TCF7L2: variants seen among roughly 807,000 people sequenced by gnomAD.
The protein encoded by TCF7L2 is transcription factor 7 like 2, also known as transcription factor 7-like 2.
Under a neutral mutation model 77.9 loss-of-function variants are expected in TCF7L2, and 23 were observed. The ratio of observed to expected loss-of-function variants is 0.30; its 90% confidence interval spans 0.21 to 0.42. The LOEUF is 0.42. Among genes scored for constraint, TCF7L2 ranks in the 10% least tolerant of loss-of-function variants. The pLI is 1.00. For missense variants in TCF7L2, 654 were observed against 793.1 expected (o/e 0.82, Z 2.11); for synonymous variants, 413 against 340.2 (o/e 1.21, Z -2.36).
intron 4 of TCF7L2, among the ~76,000 whole-genome samples, chr10:113,029,880 G>C (rs753122050): frequency 1.3e-5 from 2 of 152,082 alleles, no homozygotes; most frequent in Non-Finnish European, 2.9e-5. Context: ...CAAAGATGGT[G>C]CCTGACTCTT....
At chr10:112,997,609 C>A (rs1050185895) in intron 4 of TCF7L2, among the ~76,000 whole-genome samples, 1 of 152,192 alleles carries the variant, frequency 6.6e-6, no homozygotes, top group Non-Finnish European at 1.5e-5. Context: ...CAACCTTCTC[C>A]CCCAGGAAGA....
chr10:113,085,701 G>A (rs2059767743), intron 5 of TCF7L2, among the ~76,000 whole-genome samples: 1 of 152,140 alleles, frequency 6.6e-6, no homozygotes, highest in Non-Finnish European at 1.5e-5. Context: ...TGACATCAGG[G>A]GCTGAGCCAC....
At chr10:113,075,256 C>G (rs750189688) in intron 5 of TCF7L2, among the ~76,000 whole-genome samples, 12 of 152,054 alleles carry the variant, frequency 7.9e-5, no homozygotes, top group Non-Finnish European at 1.5e-4. Flanking sequence ...GTCAGGAGTT[C>G]GAGACCAGCC....
chr10:112,992,226 A>G (rs1166367943), intron 4 of TCF7L2, among the ~76,000 whole-genome samples: 2 of 152,180 alleles, frequency 1.3e-5, no homozygotes, highest in African/African-American at 4.8e-5. Flanking sequence ...CCCCTTGCCA[A>G]GCGCAGAGAA....
At chr10:113,146,210 G>A in intron 8 of TCF7L2, 113 bp downstream of exon 8, 1 of 994,352 alleles carries the variant, frequency 1.0e-6, no homozygotes, top group Non-Finnish European at 1.6e-6. Flanking sequence ...TTCTATTAGT[G>A]TAAAGCCAAT....
intron 4 of TCF7L2, among the ~76,000 whole-genome samples, chr10:112,969,430 A>G (rs986646807): frequency 6.6e-6 from 1 of 152,200 alleles, no homozygotes; most frequent in African/African-American, 2.4e-5. Flanking sequence ...GCGATTATGA[A>G]TAAAGTTCTA....
chr10:113,000,220 T>G (rs891047546), intron 4 of TCF7L2, among the ~76,000 whole-genome samples: 7 of 152,194 alleles, frequency 4.6e-5, no homozygotes, highest in South Asian at 4.1e-4. Context: ...ACTCTGTTTG[T>G]TTACTCCATC....
chr10:113,025,023 G>A (rs115502367), intron 4 of TCF7L2, among the ~76,000 whole-genome samples: 418 of 152,250 alleles, frequency 2.7e-3, no homozygotes, highest in African/African-American at 9.5e-3. Flanking sequence ...GAGGTCAGGT[G>A]TAGACTTTTC....
At chr10:112,953,957 C>T (rs762124731) in intron 3 of TCF7L2, among the ~76,000 whole-genome samples, 2 of 152,198 alleles carry the variant, frequency 1.3e-5, no homozygotes, top group Non-Finnish European at 2.9e-5. Flanking sequence ...CGTCCTTCCT[C>T]CCTGTTACCT....
At chr10:113,145,215 A>G (rs1466023000) in intron 7 of TCF7L2, among the ~76,000 whole-genome samples, 4 of 150,234 alleles carry the variant, frequency 2.7e-5, no homozygotes, top group Admixed American at 6.6e-5. Flanking sequence ...TCTTATTTTT[A>G]TTGGGACGGT....
At position 113,144,369 on chromosome 10, in the gene TCF7L2, G is replaced by A. The variant is rs142385548; in HGVS notation, c.788+344G>A. The stretch of plus-strand genomic sequence containing the variant: ...ACTGGAACTTCCACCCAATGAAGCT[G>A]GTCATGACCCTTCTGCTGTTGGCTG... On this transcript the variant is annotated intron_variant, in intron 7 of 13. Coordinates refer to ENST00000627217, the MANE Select transcript of TCF7L2 (RefSeq NM_001146274.2). Among the ~76,000 whole-genome samples the A allele has an allele frequency of 4.3e-3, 660 of 152,266 alleles. 4 individuals are homozygous for A. Among genetic ancestry groups the A allele is most frequent in the African/African-American group, 0.015 (624 of 41,544 alleles).
chr10:112,970,549 C>T (rs947183494), intron 4 of TCF7L2, among the ~76,000 whole-genome samples: 3 of 151,936 alleles, frequency 2.0e-5, no homozygotes, highest in African/African-American at 7.3e-5. Flanking sequence ...TGTTAAGATT[C>T]CTGGGGTGCG....
chr10:113,073,632 C>A (rs1481585112), intron 5 of TCF7L2, among the ~76,000 whole-genome samples: 4 of 150,988 alleles, frequency 2.6e-5, no homozygotes, highest in Non-Finnish European at 2.9e-5. Flanking sequence ...TTTGCGGCTG[C>A]AGTGAGCTGT....
intron 4 of TCF7L2, among the ~76,000 whole-genome samples, chr10:113,029,306 T>C (rs904192544): frequency 3.3e-5 from 5 of 152,322 alleles, no homozygotes; most frequent in Non-Finnish European, 7.3e-5. Flanking sequence ...CAAGGTATAC[T>C]GTCCTCTCTT....
chr10:113,074,018 G>A (rs954945470), intron 5 of TCF7L2, among the ~76,000 whole-genome samples: 4 of 152,190 alleles, frequency 2.6e-5, no homozygotes, highest in African/African-American at 9.7e-5. Context: ...TGACTCTGGT[G>A]TCGGCCGCTG....
Position 113,151,270 on chromosome 10 carries a change from CT to C in TCF7L2, c.1001+149del. 9.3e-7 allele frequency: 1 copy of C among 1,077,036 alleles called. No homozygotes were observed. Among genetic ancestry groups the C allele is most frequent in the Non-Finnish European group, 1.3e-6 (1 of 744,038 alleles). 66.7% of individuals were successfully genotyped at this position (1,077,036 alleles called of 1,614,324 possible). A position where few individuals can be genotyped will look rare whatever the true frequency, so the allele number is the denominator to read the frequency against. ...CCAGCCTGTGTGGGCTCTTCACTCC[CT>C]TACAAAGAGAGAGAGAGTGCACAGT... On this transcript the variant is annotated intron_variant, in intron 9 of 13. Coordinates refer to ENST00000627217, the MANE Select transcript of TCF7L2 (RefSeq NM_001146274.2). This position sits in a 1 kb window ranked among gnomAD's most constrained non-coding sequence, Gnocchi z 5.2.
chr10:113,054,410 G>A (rs1332384583), intron 5 of TCF7L2, among the ~76,000 whole-genome samples: 1 of 152,130 alleles, frequency 6.6e-6, no homozygotes, highest in Non-Finnish European at 1.5e-5. Context: ...CATGATGTTT[G>A]GCAGTTCCCC....
intron 4 of TCF7L2, among the ~76,000 whole-genome samples, chr10:113,018,051 G>A (rs2047635687): frequency 6.6e-6 from 1 of 152,170 alleles, no homozygotes; most frequent in Admixed American, 6.5e-5. Context: ...ACAGTGCTGG[G>A]TGCTGGGGGA....
At chr10:113,029,591 A>G in intron 4 of TCF7L2, among the ~76,000 whole-genome samples, 1 of 138,544 alleles carries the variant, frequency 7.2e-6, no homozygotes, top group Non-Finnish European at 1.5e-5. Context: ...CAATGGCGTG[A>G]TCTCGGCTCA....
Sources: gnomAD v4.1 joint callset for allele counts (sites outside exome capture counted in the v4.1 genomes callset) on GRCh38, gnomAD v4.1.1 for gene constraint, Gnocchi (gnomAD v3.1) non-coding constraint, MANE v1.5 for transcripts, NCBI Gene and HGNC (gene_info 2026-07-23, HGNC 2026-07-21) for gene names.